The following KCNAB1 variants were observed in gnomAD, a reference collection of about 807,000 sequenced individuals.
The protein encoded by KCNAB1 is voltage-gated potassium channel subunit beta-1.
KCNAB1 carries 35 observed loss-of-function variants against 64.6 expected under a neutral mutation model. That is an observed-to-expected ratio of 0.54 (90% CI 0.41 to 0.72). The LOEUF is 0.72. KCNAB1 is among the 30% of genes least tolerant of loss of function. KCNAB1 has a pLI of 0.00. For synonymous variants in KCNAB1, 177 were observed against 183.8 expected (o/e 0.96, Z 0.30); for missense variants, 401 against 512.9 (o/e 0.78, Z 2.11).
intron 1 of KCNAB1, among the ~76,000 whole-genome samples, chr3:156,250,182 C>T (rs984161561): frequency 1.3e-4 from 20 of 152,058 alleles, no homozygotes; most frequent in African/African-American, 4.6e-4. Flanking sequence ...AAAGAACAAA[C>T]ATTTTGAGAA....
intron 2 of KCNAB1, among the ~76,000 whole-genome samples, chr3:156,434,600 A>C (rs1281224790): frequency 3.3e-5 from 5 of 152,234 alleles, no homozygotes; most frequent in Non-Finnish European, 7.3e-5. Context: ...GGAAAAAAAA[A>C]TGCTAGTTCC....
intron 1 of KCNAB1, chr3:156,291,277 T>C (rs1219385615): frequency 2.0e-6 from 2 of 989,014 alleles, no homozygotes; most frequent in Admixed American, 5.8e-5. Flanking sequence ...GGGAGGGGTC[T>C]TGAGGAGCCC....
chr3:156,160,904 G>A (rs1166604823), intron 1 of KCNAB1, among the ~76,000 whole-genome samples: 1 of 152,216 alleles, frequency 6.6e-6, no homozygotes. Flanking sequence ...CATGAAGGAA[G>A]GAGGCAGAAG....
chr3:156,331,004 CT>C (rs1175165213), intron 1 of KCNAB1, among the ~76,000 whole-genome samples: 1 of 152,096 alleles, frequency 6.6e-6, no homozygotes, highest in Non-Finnish European at 1.5e-5. Flanking sequence ...ACTGAACCTC[CT>C]TCTCATCCTG....
At chr3:156,355,881 C>T (rs1725198633) in intron 1 of KCNAB1, among the ~76,000 whole-genome samples, 1 of 152,118 alleles carries the variant, frequency 6.6e-6, no homozygotes, top group African/African-American at 2.4e-5. Flanking sequence ...CTTTGGGAGG[C>T]CAAGGCAGGT....
At position 156,481,419 on chromosome 3, in the gene KCNAB1, C is replaced by CA. The variant is rs34963527; in HGVS notation, c.658+6617dup. On this transcript the variant is annotated intron_variant, in intron 8 of 13. Coordinates refer to ENST00000490337, the MANE Select transcript of KCNAB1 (RefSeq NM_172160.3). ...GAGCCAAACCCAGCCAAGCTTGTTG[C>CA]AAAAAAAAAAAAAAAAAAGTGTTTC... 7.7e-3 allele frequency among the ~76,000 whole-genome samples: 915 copies of CA among 119,420 alleles called. 4 individuals carry two copies. Among genetic ancestry groups the CA allele is most frequent in the Non-Finnish European group, 9.8e-3 (532 of 54,540 alleles). 78.3% of individuals were successfully genotyped at this position (119,420 alleles called of 152,430 possible).
intron 8 of KCNAB1, among the ~76,000 whole-genome samples, chr3:156,480,995 A>G (rs1172165004): frequency 6.6e-6 from 1 of 152,124 alleles, no homozygotes; most frequent in African/African-American, 2.4e-5. Context: ...TTGAAAACCC[A>G]TCTTGGTTTC....
chr3:156,254,419 A>T (rs1248782866), intron 1 of KCNAB1, among the ~76,000 whole-genome samples: 1 of 152,070 alleles, frequency 6.6e-6, no homozygotes, highest in Non-Finnish European at 1.5e-5. Flanking sequence ...ATGGTGAGGA[A>T]TGGTTAGGCT....
At chr3:156,453,421 A>T (rs983294160) in intron 3 of KCNAB1, among the ~76,000 whole-genome samples, 11 of 152,176 alleles carry the variant, frequency 7.2e-5, no homozygotes, top group African/African-American at 2.4e-4. Context: ...GCCTCAGTCC[A>T]TCCTATATAA....
rs150202229 is a variant in KCNAB1 at position 156,138,747 on chromosome 3, G to C, written c.275+17861G>C. Among the ~76,000 whole-genome samples, 14 of 152,320 alleles carry C rather than the reference G, an allele frequency of 9.2e-5. No individual in the cohort carries two copies. The East Asian group carries it at 2.7e-3, about 29-fold the overall frequency. On this transcript the variant is annotated intron_variant, in intron 1 of 13. Coordinates refer to ENST00000490337, the MANE Select transcript of KCNAB1 (RefSeq NM_172160.3). ...TCAGATGTAGACTAGAAGAATCTTAGAGATTACCTAAGTCTGAGCCAGTAG... is the reference window on the plus strand; with the variant it reads ...TCAGATGTAGACTAGAAGAATCTTACAGATTACCTAAGTCTGAGCCAGTAG...
chr3:156,136,226 A>G (rs1370153004), intron 1 of KCNAB1, among the ~76,000 whole-genome samples: 1 of 152,224 alleles, frequency 6.6e-6, no homozygotes, highest in Admixed American at 6.5e-5. Context: ...AATAATCACC[A>G]TTTATTGAGC....
intron 1 of KCNAB1, among the ~76,000 whole-genome samples, chr3:156,221,327 T>C (rs1297903703): frequency 6.6e-6 from 1 of 152,238 alleles, no homozygotes; most frequent in Non-Finnish European, 1.5e-5. Context: ...ATGGCCATTT[T>C]CACGATATTG....
At chr3:156,519,934 G>C (rs534888248) in intron 11 of KCNAB1, among the ~76,000 whole-genome samples, 1 of 152,178 alleles carries the variant, frequency 6.6e-6, no homozygotes, top group African/African-American at 2.4e-5. Flanking sequence ...ACTGTGATCA[G>C]CTCAGGTTGT....
At chr3:156,232,383 G>A (rs569781727) in intron 1 of KCNAB1, among the ~76,000 whole-genome samples, 14 of 152,352 alleles carry the variant, frequency 9.2e-5, no homozygotes, top group Admixed American at 9.1e-4. Flanking sequence ...TTACACTTCT[G>A]TTTTGGATTT....
chr3:156,281,972 C>A lies in KCNAB1; in HGVS notation c.276-139644C>A, dbSNP rs1288915383. Among the ~76,000 whole-genome samples the A allele has an allele frequency of 2.7e-5, 4 of 150,762 alleles. No homozygotes were observed. In the East Asian group the frequency reaches 7.8e-4, roughly 29 times the overall value. On this transcript the variant is annotated intron_variant, in intron 1 of 13. Transcript: ENST00000490337. ...TTTTGTGTCTCTATTTCCTTCAGTT[C>A]TGCTCTGATTTTAGTTATTTCTTGC...
intron 1 of KCNAB1, among the ~76,000 whole-genome samples, chr3:156,269,362 T>C (rs945983135): frequency 1.3e-5 from 2 of 152,206 alleles, no homozygotes; most frequent in African/African-American, 4.8e-5. Flanking sequence ...TACTTGATAT[T>C]ATTTCAGTTT....
rs1313122717 is a variant in KCNAB1 at position 156,538,381 on chromosome 3, G to C, written c.*1634G>C. On this transcript the variant is annotated 3_prime_UTR_variant, in exon 14 of 14. Transcript: ENST00000490337. ...TGAAAATGCTAGTGGGAGATATCAA[G>C]AAATTTTCTTTTTGATTACTAGTAC... 5.3e-5 allele frequency: 8 copies of C among 152,164 alleles called. No individual in the cohort carries two copies. Among genetic ancestry groups the C allele is most frequent in the Non-Finnish European group, 1.5e-5 (1 of 68,012 alleles). 9.4% of individuals were successfully genotyped at this position (152,164 alleles called of 1,614,324 possible).
chr3:156,244,256 C>T (rs557030451), intron 1 of KCNAB1, among the ~76,000 whole-genome samples: 4 of 152,216 alleles, frequency 2.6e-5, no homozygotes, highest in African/African-American at 4.8e-5. Context: ...TTTCTTTGGT[C>T]TGGCTCCTTC....
At chr3:156,521,511 G>A (rs1717938151) in intron 11 of KCNAB1, among the ~76,000 whole-genome samples, 1 of 152,160 alleles carries the variant, frequency 6.6e-6, no homozygotes, top group South Asian at 2.1e-4. Flanking sequence ...AGCCATCCCT[G>A]GCTTCTATCT....
Sources: allele counts gnomAD v4.1 joint callset (sites outside exome capture counted in the v4.1 genomes callset), GRCh38; gene constraint gnomAD v4.1.1; transcripts MANE v1.5; gene names NCBI Gene and HGNC (gene_info 2026-07-23, HGNC 2026-07-21).